The following SH2D6 variants were observed in gnomAD, a reference collection of about 807,000 sequenced individuals.
SH2D6 encodes SH2 domain containing 6.
In SH2D6, 31 loss-of-function variants were observed where a neutral mutation model predicts 30.2. That is an observed-to-expected ratio of 1.03 (90% CI 0.77 to 1.38). The LOEUF is 1.38. Among genes scored for constraint, SH2D6 ranks in the 40% most tolerant of loss-of-function variants. The pLI is 0.00. For missense variants in SH2D6, 240 were observed against 266.8 expected, an observed-to-expected ratio of 0.90 and a Z score of 0.70; for synonymous variants, 93 against 104.6, an observed-to-expected ratio of 0.89 and a Z score of 0.68.
chr2:85,423,453 A>G (rs1687825865), intron 5 of SH2D6, among the ~76,000 whole-genome samples: 2 of 151,298 alleles, frequency 1.3e-5, no homozygotes, highest in South Asian at 2.1e-4. Context: ...GGCTGGTCTC[A>G]AACTCCTGAC....
intron 2 of SH2D6, among the ~76,000 whole-genome samples, 173 bp downstream of exon 2, chr2:85,419,417 C>A (rs1687665480): frequency 1.3e-5 from 2 of 152,246 alleles, no homozygotes; most frequent in Non-Finnish European, 2.9e-5. Flanking sequence ...CCAGACCCTT[C>A]AGTGCAAGCC....
chr2:85,435,135 C>CT lies in SH2D6; in HGVS notation c.648+13dup, dbSNP rs1311089962. ...CCTCAGCTGCTGAGGTGAGGAGGGG[C>CT]TGGGAGCAGGCTGTAGGGAGAGGTT... On this transcript the variant is annotated intron_variant, in intron 20 of 23. Transcript: ENST00000469800. The CT allele has an allele frequency of 6.5e-7, 1 of 1,544,196 alleles. No homozygotes were observed. The highest frequency in any genetic ancestry group is 2.5e-5 in the East Asian group (1 of 39,274).
intron 12 of SH2D6, among the ~76,000 whole-genome samples, 160 bp from the exon 13 acceptor site, chr2:85,431,050 C>T (rs942043803): frequency 2.0e-5 from 3 of 152,098 alleles, no homozygotes; most frequent in Admixed American, 2.0e-4. Flanking sequence ...GGAAACTGCC[C>T]GCCTCCAGTT....
At chr2:85,425,088 A>C (rs1687934356) in intron 5 of SH2D6, among the ~76,000 whole-genome samples, 1 of 151,796 alleles carries the variant, frequency 6.6e-6, no homozygotes, top group Non-Finnish European at 1.5e-5. Context: ...TAAATAAATA[A>C]ATAGTCCCAA....
intron 6 of SH2D6, among the ~76,000 whole-genome samples, chr2:85,425,743 C>G (rs1307981290): frequency 2.0e-5 from 3 of 152,232 alleles, no homozygotes; most frequent in Admixed American, 6.5e-5. Flanking sequence ...ACCCTGGACA[C>G]TGATACCACT....
intron 14 of SH2D6, among the ~76,000 whole-genome samples, chr2:85,432,310 C>T (rs567351810): frequency 4.6e-5 from 7 of 151,176 alleles, no homozygotes; most frequent in East Asian, 1.9e-4. Context: ...TGCAGTGGCA[C>T]GATCTTGGCT....
chr2:85,433,229 G>C, intron 15 of SH2D6, 108 bp downstream of exon 15: 1 of 816,330 alleles, frequency 1.2e-6, no homozygotes, highest in South Asian at 5.6e-5. Flanking sequence ...GAAACCAAGG[G>C]AAAAGGCCCA....
Position 85,436,513 on chromosome 2 carries a change from T to A in SH2D6, c.939T>A (p.Pro313=), listed in dbSNP as rs150481298. The A allele has an allele frequency of 5.6e-6, 9 of 1,613,636 alleles. No individual in the cohort carries two copies. The African/African-American group carries it at 6.7e-5, about 12-fold the overall frequency. ...TGGTCCAGCACTTCATGTGGCACCC[T>A]CTGCCCCTTGTGGACAGACACAGCG... ...AAMVQHFMWH[P]LPLVDRHSGS... The change falls in exon 23 of 24, where the codon CCT becomes CCA. Residue 313 remains proline, a synonymous_variant. Transcript: ENST00000469800.
At chr2:85,434,683 G>C (rs970939686) in intron 19 of SH2D6, 186 bp downstream of exon 19, 14 of 1,353,628 alleles carry the variant, frequency 1.0e-5, no homozygotes, top group Admixed American at 5.5e-5. Context: ...GGTCCTGCCA[G>C]GGCCTGCCCC....
At chr2:85,433,942 A>G in intron 16 of SH2D6, 91 bp from the exon 17 acceptor site, 1 of 1,088,180 alleles carries the variant, frequency 9.2e-7, no homozygotes, top group Non-Finnish European at 1.3e-6. Flanking sequence ...GAGAAGCAGC[A>G]GGCCCTGCAG....
intron 2 of SH2D6, chr2:85,420,784 G>C (rs537985792): frequency 2.0e-5 from 3 of 152,278 alleles, no homozygotes; most frequent in Non-Finnish European, 4.4e-5. Context: ...GTCAGCCTCC[G>C]GGCCCAGGAA....
intron 15 of SH2D6, 43 bp downstream of exon 15, chr2:85,433,164 G>A (rs550917181): frequency 2.1e-6 from 2 of 954,910 alleles, no homozygotes; most frequent in Admixed American, 6.2e-5. Flanking sequence ...CAGGCTTCTG[G>A]TTAAGAAACT....
In SH2D6 at chr2:85,430,939, T is replaced by G. The variant is rs1438721226; in HGVS notation, c.251-271T>G. 6.6e-6 allele frequency among the ~76,000 whole-genome samples: 1 copy of G among 151,984 alleles called. No homozygotes were observed. The highest frequency in any genetic ancestry group is 2.4e-5 in the African/African-American group (1 of 41,354). On this transcript the variant is annotated intron_variant, in intron 12 of 23. Coordinates refer to ENST00000469800, the MANE Select transcript of SH2D6 (RefSeq NM_001394463.1). The surrounding 1 kb of genome is among the most constrained non-coding windows in gnomAD (Gnocchi z 4.3). ...GGGGCCTGGCATTCCCCTTCTGAGA[T>G]CCCAACACTTCTTCAGGCCAAGGGC...
chr2:85,433,823 C>T (rs1421426408), intron 16 of SH2D6, among the ~76,000 whole-genome samples, 192 bp downstream of exon 16: 1 of 152,252 alleles, frequency 6.6e-6, no homozygotes, highest in African/African-American at 2.4e-5. Flanking sequence ...ACTGTGCCAG[C>T]AAGGGAGGTG....
chr2:85,422,369 CT>C (rs1687778788), intron 3 of SH2D6, 55 bp downstream of exon 3: 2 of 152,076 alleles, frequency 1.3e-5, no homozygotes. Flanking sequence ...TGCTCTCTCT[CT>C]TTGTCATATT....
In SH2D6 at chr2:85,434,336, A is replaced by C; in HGVS notation, c.534-4A>C. On this transcript the variant is annotated splice_region_variant and splice_polypyrimidine_tract_variant and intron_variant, in intron 17 of 23. Transcript: ENST00000469800. Reference sequence around the variant, plus strand: ...AGTTCTGTCCCCCGATTTGCTTCCCACAGGCCTACCACAGCCCCCCAGGAA... The same window carrying C: ...AGTTCTGTCCCCCGATTTGCTTCCCCCAGGCCTACCACAGCCCCCCAGGAA... 1 of 1,545,888 alleles carries C rather than the reference A, an allele frequency of 6.5e-7. No individual in the cohort carries two copies. Among genetic ancestry groups the C allele is most frequent in the Non-Finnish European group, 8.7e-7 (1 of 1,143,542 alleles).
chr2:85,434,611 TAGAC>T, intron 19 of SH2D6, 114 bp downstream of exon 19: 1 of 1,158,868 alleles, frequency 8.6e-7, no homozygotes, highest in East Asian at 2.7e-5. Context: ...TGCACTTGAC[TAGAC>T]TTAAAAAAAA....
At chr2:85,434,808 GC>G in intron 19 of SH2D6, 1 of 1,457,822 alleles carries the variant, frequency 6.9e-7, no homozygotes, top group Non-Finnish European at 9.0e-7. Flanking sequence ...ATTTTCCGGT[GC>G]CTGCACCAAA....
rs1305417352 is a variant in SH2D6, at chr2:85,430,839, G to A, written c.250+187G>A. Among the ~76,000 whole-genome samples the A allele has an allele frequency of 1.2e-4, 18 of 151,596 alleles. No individual in the cohort carries two copies. Among genetic ancestry groups the A allele is most frequent in the Admixed American group, 7.2e-4 (11 of 15,228 alleles). On this transcript the variant is annotated intron_variant, in intron 12 of 23. Transcript: ENST00000469800. This position sits in a 1 kb window ranked among gnomAD's most constrained non-coding sequence, Gnocchi z 4.3. ...GGGAGAGAGAGAGGGATGAAGGAAC[G>A]GAGGGAGGGAGGGTGGGAGGGAGGA...
Sources: allele counts gnomAD v4.1 joint callset (sites outside exome capture counted in the v4.1 genomes callset), GRCh38; gene constraint gnomAD v4.1.1; non-coding constraint Gnocchi (gnomAD v3.1); transcripts MANE v1.5; gene names NCBI Gene and HGNC (gene_info 2026-07-23, HGNC 2026-07-21).